Variants in SMCHD1 observed in about 807,000 individuals in gnomAD.
The protein encoded by SMCHD1 is structural maintenance of chromosomes flexible hinge domain-containing protein 1.
In SMCHD1, 78 loss-of-function variants were observed where a neutral mutation model predicts 254.7. That is an observed-to-expected ratio of 0.31 (90% CI 0.26 to 0.37). The LOEUF is 0.37. SMCHD1 is among the 10% of genes least tolerant of loss of function. SMCHD1 has a pLI of 1.00. For missense variants in SMCHD1, 1,840 were observed against 2,408.1 expected (o/e 0.76, Z 4.94); for synonymous variants, 766 against 794.9 (o/e 0.96, Z 0.61).
chr18:2,803,182 G>GTT lies in SMCHD1; in HGVS notation c.*631_*632insTT, dbSNP rs2076393186. 1.0e-5 allele frequency: 1 copy of GTT among 99,188 alleles called. No individual in the cohort carries two copies. The highest frequency in any genetic ancestry group is 3.1e-5 in the African/African-American group (1 of 32,746). 6.1% of individuals were successfully genotyped at this position (99,188 alleles called of 1,614,324 possible). A position where few individuals can be genotyped will look rare whatever the true frequency, so the allele number is the denominator to read the frequency against. On this transcript the variant is annotated 3_prime_UTR_variant, in exon 48 of 48. Coordinates refer to ENST00000320876, the MANE Select transcript of SMCHD1 (RefSeq NM_015295.3). ...TTTCAAATTTCAAAAGACTTATCCT[G>GTT]TGTGTGTGTGTGTGTGTATATATAT...
intron 37 of SMCHD1, among the ~76,000 whole-genome samples, chr18:2,769,322 G>C (rs558819166): frequency 6.6e-6 from 1 of 152,222 alleles, no homozygotes; most frequent in African/African-American, 2.4e-5. Context: ...CACACTATCA[G>C]CTCTTTCATG....
Position 2,726,435 on chromosome 18 carries a change from C to T in SMCHD1, c.2701-17C>T. ...TATTCAGGACTGGGTTTAATTTTTA[C>T]TGTTTTTTTCCAACAGAATTATAAT... On this transcript the variant is annotated splice_polypyrimidine_tract_variant and intron_variant, in intron 21 of 47. Transcript: ENST00000320876. 7.1e-7 allele frequency: 1 copy of T among 1,415,924 alleles called. No homozygotes were observed. The highest frequency in any genetic ancestry group is 9.6e-7 in the Non-Finnish European group (1 of 1,042,768). 87.7% of individuals were successfully genotyped at this position (1,415,924 alleles called of 1,614,324 possible). A position where few individuals can be genotyped will look rare whatever the true frequency, so the allele number is the denominator to read the frequency against.
intron 14 of SMCHD1, 125 bp from the exon 15 acceptor site, chr18:2,706,239 A>G (rs1027374417): frequency 1.7e-6 from 1 of 588,298 alleles, no homozygotes; most frequent in Non-Finnish European, 2.9e-6. Flanking sequence ...AAGAATAGCT[A>G]CTGTTATTTA....
intron 10 of SMCHD1, among the ~76,000 whole-genome samples, chr18:2,699,137 A>G (rs1166865491): frequency 2.0e-5 from 3 of 152,136 alleles, no homozygotes; most frequent in Non-Finnish European, 4.4e-5. Flanking sequence ...TTCGAATCCC[A>G]TCTTTGCCAC....
chr18:2,673,472 G>T (rs919763642), intron 4 of SMCHD1, 109 bp downstream of exon 4: 13 of 813,132 alleles, frequency 1.6e-5, no homozygotes, highest in Admixed American at 1.4e-4. Flanking sequence ...AGAAATAATT[G>T]TCAGATATCT....
chr18:2,735,874 G>T (rs1310331635), intron 25 of SMCHD1, among the ~76,000 whole-genome samples: 1 of 152,092 alleles, frequency 6.6e-6, no homozygotes, highest in Non-Finnish European at 1.5e-5. Flanking sequence ...TCAAACTACT[G>T]TCATTTTTCA....
chr18:2,727,263 A>G (rs1306935374), intron 22 of SMCHD1: 3 of 151,978 alleles, frequency 2.0e-5, no homozygotes, highest in Non-Finnish European at 4.4e-5. Flanking sequence ...GTAAGTTTTA[A>G]CTCTCATATG....
intron 45 of SMCHD1, among the ~76,000 whole-genome samples, chr18:2,785,170 G>A (rs2076218701): frequency 6.6e-6 from 1 of 152,056 alleles, no homozygotes; most frequent in South Asian, 2.1e-4. Flanking sequence ...TCTGTGCTCT[G>A]AAGTGCATAT....
At chr18:2,679,355 A>T (rs2073867489) in intron 5 of SMCHD1, among the ~76,000 whole-genome samples, 1 of 150,238 alleles carries the variant, frequency 6.7e-6, no homozygotes, top group Non-Finnish European at 1.5e-5. Flanking sequence ...GGGCACCCAT[A>T]GTCCCAGCTA....
chr18:2,698,094 G>A, intron 10 of SMCHD1, 53 bp downstream of exon 10: 2 of 1,398,540 alleles, frequency 1.4e-6, no homozygotes, highest in Non-Finnish European at 2.0e-6. Context: ...ATTTAGGACA[G>A]TGATTTGTTT....
At chr18:2,687,519 G>A (rs914231633) in intron 5 of SMCHD1, among the ~76,000 whole-genome samples, 1 of 151,914 alleles carries the variant, frequency 6.6e-6, no homozygotes, top group Admixed American at 6.6e-5. Context: ...GGTTTTTGGT[G>A]TTTACAGTGA....
At position 2,795,930 on chromosome 18, in the gene SMCHD1, G is replaced by A; in HGVS notation, c.5720-19G>A. On this transcript the variant is annotated intron_variant, in intron 45 of 47. Coordinates refer to ENST00000320876, the MANE Select transcript of SMCHD1 (RefSeq NM_015295.3). ...TTTAATAGCAGTAATTTAATCAAAT[G>A]CATTTGGTTTCTTTACAGATCTTCT... The A allele has an allele frequency of 2.6e-6, 4 of 1,549,860 alleles. No individual in the cohort carries two copies. The highest frequency in any genetic ancestry group is 2.4e-5 in the South Asian group (2 of 81,910).
chr18:2,707,715 A>C, intron 16 of SMCHD1, 70 bp downstream of exon 16: 2 of 1,455,346 alleles, frequency 1.4e-6, no homozygotes, highest in South Asian at 1.2e-5. Context: ...AATATGTAAA[A>C]GGTCACGAGA....
chr18:2,715,798 C>T (rs1464926116), intron 17 of SMCHD1, among the ~76,000 whole-genome samples: 1 of 152,086 alleles, frequency 6.6e-6, no homozygotes, highest in Non-Finnish European at 1.5e-5. Flanking sequence ...CTGCAGTGAG[C>T]TATGATTGTG....
At chr18:2,746,695 G>C (rs1356715254) in intron 29 of SMCHD1, among the ~76,000 whole-genome samples, 1 of 152,182 alleles carries the variant, frequency 6.6e-6, no homozygotes, top group Non-Finnish European at 1.5e-5. Context: ...GGGGGTAGAA[G>C]CAGCAGAAGG....
chr18:2,698,565 G>A (rs1020358737), intron 10 of SMCHD1, among the ~76,000 whole-genome samples: 90 of 152,004 alleles, frequency 5.9e-4, no homozygotes, highest in African/African-American at 2.0e-3. Context: ...ATGGGGTCTT[G>A]CCGTGTTGCC....
intron 7 of SMCHD1, among the ~76,000 whole-genome samples, chr18:2,689,649 G>A (rs1350884485): frequency 1.3e-5 from 2 of 151,884 alleles, no homozygotes; most frequent in African/African-American, 2.4e-5. Flanking sequence ...CAGCAGCCTC[G>A]AACTCCTGGA....
Position 2,733,297 on chromosome 18 carries a change from A to G in SMCHD1, c.3276+805A>G, listed in dbSNP as rs141754927. 3.9e-5 allele frequency among the ~76,000 whole-genome samples: 6 copies of G among 152,382 alleles called. No individual in the cohort carries two copies. In the East Asian group the frequency reaches 5.8e-4, roughly 15 times the overall value. On this transcript the variant is annotated intron_variant, in intron 25 of 47. Coordinates refer to ENST00000320876, the MANE Select transcript of SMCHD1 (RefSeq NM_015295.3). The stretch of plus-strand genomic sequence containing the variant: ...ATGGAAACTAGAGGCACAATACTCA[A>G]ACTTTCTCAGTAACCCGTTAAGAGA...
At chr18:2,728,259 T>C in intron 22 of SMCHD1, 198 bp from the exon 23 acceptor site, 1 of 514,292 alleles carries the variant, frequency 1.9e-6, no homozygotes, top group Non-Finnish European at 3.4e-6. Context: ...TTTTATACAA[T>C]TGAGATAAGT....
Sources: gnomAD v4.1 joint callset for allele counts (sites outside exome capture counted in the v4.1 genomes callset) on GRCh38, gnomAD v4.1.1 for gene constraint, MANE v1.5 for transcripts, NCBI Gene and HGNC (gene_info 2026-07-23, HGNC 2026-07-21) for gene names.